AGA: variants seen among roughly 807,000 people sequenced by gnomAD.
AGA encodes N(4)-(beta-N-acetylglucosaminyl)-L-asparaginase.
A neutral mutation model predicts 40.1 loss-of-function variants in AGA; 31 were observed. The ratio of observed to expected loss-of-function variants is 0.77; its 90% CI spans 0.58 to 1.04. The LOEUF (loss-of-function observed/expected upper bound fraction) is 1.04. AGA is among the 50% of genes least tolerant of loss of function. AGA has a pLI of 0.00. For missense variants in AGA, 445 were observed against 435.4 expected, an observed-to-expected ratio of 1.02 and a Z score of -0.20; for synonymous variants, 148 against 144.0, an observed-to-expected ratio of 1.03 and a Z score of -0.20.
At chr4:177,434,054 C>T (rs1284099587) in intron 7 of AGA, among the ~76,000 whole-genome samples, 4 of 152,098 alleles carry the variant, frequency 2.6e-5, no homozygotes, top group East Asian at 1.9e-4. Context: ...AGTGCAGTGG[C>T]GCGATCTTGG....
In AGA at chr4:177,433,240, A is replaced by C. The variant is rs373616948; in HGVS notation, c.914T>G (p.Ile305Arg). The C allele has an allele frequency of 1.9e-6, 3 of 1,614,142 alleles. No individual in the cohort carries two copies. Among genetic ancestry groups the C allele is most frequent in the Non-Finnish European group, 1.7e-6 (2 of 1,179,994 alleles). Residue 305 changes from isoleucine (I) to arginine (R), a missense_variant, in exon 8 of 9, where the codon ATA (isoleucine) becomes AGA (arginine). Coordinates refer to ENST00000264595, the MANE Select transcript of AGA (RefSeq NM_000027.4). The stretch of plus-strand genomic sequence containing the variant: ...GTAACTTCCAGTCACATTGGCACAT[A>C]TAACAGCCCCAAAGAATTCTGGAAA... ...KHFPEFFGAV[I>R]CANVTGSYGA...
At chr4:177,435,648 A>G (rs1328035068) in intron 6 of AGA, among the ~76,000 whole-genome samples, 1 of 152,060 alleles carries the variant, frequency 6.6e-6, no homozygotes, top group Non-Finnish European at 1.5e-5. Flanking sequence ...ATCTGGCCCC[A>G]GTCTTCCCTT....
chr4:177,434,927 T>G (rs1579040851), intron 6 of AGA, among the ~76,000 whole-genome samples: 1 of 149,942 alleles, frequency 6.7e-6, no homozygotes. Flanking sequence ...GAGACAGGAG[T>G]CTTGCTCTGT....
At chr4:177,439,791 C>CACCATCTTA (rs1736937499) in intron 2 of AGA, 103 bp from the exon 3 acceptor site, 1 of 870,356 alleles carries the variant, frequency 1.1e-6, no homozygotes, top group Non-Finnish European at 2.0e-6. Context: ...GGTTAAACTC[C>CACCATCTTA]ACCATCTTAA....
chr4:177,433,467 T>C (rs1459784893), intron 7 of AGA, 120 bp from the exon 8 acceptor site: 2 of 1,145,518 alleles, frequency 1.7e-6, no homozygotes, highest in South Asian at 1.3e-5. Flanking sequence ...TACACATAAA[T>C]GAACAAGAGT....
chr4:177,439,958 C>T, intron 2 of AGA: 1 of 584,658 alleles, frequency 1.7e-6, no homozygotes, highest in East Asian at 2.9e-5. Flanking sequence ...TGAAAGGGGC[C>T]TGAAGGCTTC....
At chr4:177,432,273 T>A (rs1263104762) in intron 8 of AGA, among the ~76,000 whole-genome samples, 1 of 152,150 alleles carries the variant, frequency 6.6e-6, no homozygotes, top group African/African-American at 2.4e-5. Flanking sequence ...ATCAAGTTCA[T>A]CTTCTCATGC....
intron 1 of AGA, among the ~76,000 whole-genome samples, 184 bp from the exon 2 acceptor site, chr4:177,440,610 T>C (rs1054290619): frequency 5.3e-5 from 8 of 151,532 alleles, no homozygotes; most frequent in Admixed American, 2.0e-4. Context: ...TAACTAGTTA[T>C]CAGAAGAACT....
chr4:177,431,364 A>G lies in AGA; in HGVS notation c.*344T>C. 2.3e-6 allele frequency: 1 copy of G among 442,636 alleles called. No homozygotes were observed. Among genetic ancestry groups the G allele is most frequent in the Non-Finnish European group, 4.4e-6 (1 of 227,650 alleles). The allele number at this position is 442,636 out of a possible 1,614,324, so 27.4% of individuals were successfully genotyped here. A position where few individuals can be genotyped will look rare whatever the true frequency, so the allele number is the denominator to read the frequency against. ...TTGTATACTCTATTTTAAGCATCCA[A>G]ATATGATGATTCCTTTTGGGTTTAA... is the stretch of plus-strand genomic sequence containing the variant. On this transcript the variant is annotated 3_prime_UTR_variant, in exon 9 of 9. Coordinates refer to ENST00000264595, the MANE Select transcript of AGA (RefSeq NM_000027.4).
intron 2 of AGA, 156 bp downstream of exon 2, chr4:177,440,116 TC>T: frequency 1.2e-6 from 1 of 854,138 alleles, no homozygotes; most frequent in Non-Finnish European, 1.9e-6. Flanking sequence ...TTTTTTTTTT[TC>T]AGTTGAGAGG....
In AGA at chr4:177,431,698, T is replaced by G; in HGVS notation, c.*10A>C. On this transcript the variant is annotated 3_prime_UTR_variant, in exon 9 of 9. Transcript: ENST00000264595. ...CTTCTTTAAATACAGATGTTGACAG[T>G]AAAGATGGATTAGATGCAGTCCACT... The G allele has an allele frequency of 1.3e-6, 2 of 1,597,150 alleles. No homozygotes were observed. Among genetic ancestry groups the G allele is most frequent in the Non-Finnish European group, 1.7e-6 (2 of 1,164,726 alleles).
intron 5 of AGA, among the ~76,000 whole-genome samples, chr4:177,436,713 C>T (rs72704918): frequency 9.8e-5 from 15 of 152,332 alleles, no homozygotes; most frequent in African/African-American, 2.4e-4. Context: ...TCCCAGCCTC[C>T]GTAACTGTGA....
At chr4:177,435,328 T>C (rs1480008300) in intron 6 of AGA, among the ~76,000 whole-genome samples, 1 of 152,238 alleles carries the variant, frequency 6.6e-6, no homozygotes, top group Non-Finnish European at 1.5e-5. Context: ...AAGTATCATG[T>C]TGTACACCAC....
At chr4:177,436,461 C>A in intron 5 of AGA, 110 bp from the exon 6 acceptor site, 1 of 909,298 alleles carries the variant, frequency 1.1e-6, no homozygotes, top group African/African-American at 1.6e-5. Flanking sequence ...TTTGTGTTCC[C>A]CCAAATTCAT....
chr4:177,434,321 C>G, intron 7 of AGA, 61 bp downstream of exon 7: 1 of 1,510,054 alleles, frequency 6.6e-7, no homozygotes, highest in Non-Finnish European at 9.2e-7. Context: ...TATTTTCTAT[C>G]TTAAAAGAAA....
intron 1 of AGA, among the ~76,000 whole-genome samples, chr4:177,440,815 A>C (rs969585738): frequency 5.9e-5 from 9 of 152,230 alleles, no homozygotes; most frequent in Admixed American, 1.3e-4. Flanking sequence ...CTGCATCATT[A>C]GATTAAAATA....
rs1305398004 is a variant in AGA, at chr4:177,442,168, G to A, written c.127+81C>T. The stretch of plus-strand genomic sequence containing the variant: ...GGCGCTCTTCCGTCCGCCCTGCCGG[G>A]TGACTGCAGCGGGGCGGGCTAGTCA... On this transcript the variant is annotated intron_variant, in intron 1 of 8. Coordinates refer to ENST00000264595, the MANE Select transcript of AGA (RefSeq NM_000027.4). 21 of 1,585,204 alleles carry A rather than the reference G, an allele frequency of 1.3e-5. No homozygotes were observed. In the African/African-American group the frequency reaches 1.5e-4, roughly 11 times the overall value.
chr4:177,440,362 A>G lies in AGA; in HGVS notation c.192T>C (p.Cys64=). Residue 64 remains cysteine, a synonymous_variant, in exon 2 of 9, where the codon TGT becomes TGC. Coordinates refer to ENST00000264595, the MANE Select transcript of AGA (RefSeq NM_000027.4). ...CAGAGCCGTCACACTGCTCTCTCTC[A>G]CACATGGCACAGCCGCTCTCCACTG... ...LDAVESGCAM[C]EREQCDGSVG... The G allele has an allele frequency of 6.2e-7, 1 of 1,613,968 alleles. No individual in the cohort carries two copies. The highest frequency in any genetic ancestry group is 2.2e-5 in the East Asian group (1 of 44,874).
chr4:177,438,916 T>C, intron 3 of AGA, 59 bp from the exon 4 acceptor site: 1 of 1,010,808 alleles, frequency 9.9e-7, no homozygotes, highest in Non-Finnish European at 1.6e-6. Context: ...TCAACAAAAA[T>C]ATATGTACTA....
Sources: gnomAD v4.1 joint callset for allele counts (sites outside exome capture counted in the v4.1 genomes callset) on GRCh38, gnomAD v4.1.1 for gene constraint, MANE v1.5 for transcripts, NCBI Gene and HGNC (gene_info 2026-07-23, HGNC 2026-07-21) for gene names.